The following TNNT3 variants were observed in gnomAD, a reference collection of about 807,000 sequenced individuals.
The protein encoded by TNNT3 is troponin T3, fast skeletal type.
TNNT3 carries 36 observed loss-of-function variants against 54.2 expected under a neutral mutation model. The observed-to-expected ratio is 0.66, with a 90% confidence interval of 0.51 to 0.88. The LOEUF is 0.88. Among genes scored for constraint, TNNT3 ranks in the 40% least tolerant of loss-of-function variants. TNNT3 has a pLI of 0.00. For synonymous variants in TNNT3, 120 were observed against 109.7 expected (o/e 1.09, Z -0.59); for missense variants, 291 against 331.6 (o/e 0.88, Z 0.95).
chr11:1,936,788 G>A (rs1220073486), intron 14 of TNNT3, among the ~76,000 whole-genome samples, 175 bp from the exon 15 acceptor site: 1 of 152,240 alleles, frequency 6.6e-6, no homozygotes, highest in Non-Finnish European at 1.5e-5. Flanking sequence ...CCACGGGACG[G>A]TGTCCCCCTG....
chr11:1,920,892 G>T (rs931273816), intron 1 of TNNT3, among the ~76,000 whole-genome samples: 1 of 152,144 alleles, frequency 6.6e-6, no homozygotes, highest in Non-Finnish European at 1.5e-5. Flanking sequence ...ATACTGGGGG[G>T]AACAGAACAG....
In TNNT3 at chr11:1,923,584, A is replaced by C; in HGVS notation, c.49+12A>C. 6.2e-7 allele frequency: 1 copy of C among 1,612,980 alleles called. No individual in the cohort carries two copies. The highest frequency in any genetic ancestry group is 2.2e-5 in the East Asian group (1 of 44,798). Reference sequence around the variant, plus strand: ...GTACGAAGAAGAAGGTAATTCTGGCAACCACCGGAAGCCCCCCCAGCCCCT... The same window carrying C: ...GTACGAAGAAGAAGGTAATTCTGGCCACCACCGGAAGCCCCCCCAGCCCCT... On this transcript the variant is annotated intron_variant, in intron 4 of 15. Coordinates refer to ENST00000278317, the MANE Select transcript of TNNT3 (RefSeq NM_006757.4).
At chr11:1,936,885 G>A (rs1173535925) in intron 14 of TNNT3, 78 bp from the exon 15 acceptor site, 7 of 1,485,210 alleles carry the variant, frequency 4.7e-6, no homozygotes, top group Non-Finnish European at 5.5e-6. Context: ...CCCACCCTGC[G>A]GTGGAGACAG....
In TNNT3 at chr11:1,934,453, C is replaced by T. The variant is rs370243709; in HGVS notation, c.480+8C>T. The T allele has an allele frequency of 6.2e-7, 1 of 1,612,564 alleles. No homozygotes were observed. Among genetic ancestry groups the T allele is most frequent in the Non-Finnish European group, 8.5e-7 (1 of 1,179,422 alleles). On this transcript the variant is annotated splice_region_variant and intron_variant, in intron 12 of 15. Coordinates refer to ENST00000278317, the MANE Select transcript of TNNT3 (RefSeq NM_006757.4). ...AGCAGCTACCTGGCCAAGGTGTGTG[C>T]CGCTGCTGGGAGCACGGTGGTAGCC...
At chr11:1,936,577 A>G (rs1401498817) in intron 14 of TNNT3, among the ~76,000 whole-genome samples, 2 of 152,198 alleles carry the variant, frequency 1.3e-5, no homozygotes, top group Non-Finnish European at 2.9e-5. Flanking sequence ...CTCTGAGCTC[A>G]GCGGCTGAAG....
intron 1 of TNNT3, among the ~76,000 whole-genome samples, chr11:1,921,031 G>C (rs1263860454): frequency 1.3e-5 from 2 of 152,128 alleles, no homozygotes; most frequent in African/African-American, 4.8e-5. Context: ...GGGCACCCAT[G>C]TGACTCTGGC....
At chr11:1,937,644 G>A (rs767580642) in intron 15 of TNNT3, among the ~76,000 whole-genome samples, 14 of 152,186 alleles carry the variant, frequency 9.2e-5, no homozygotes, top group Non-Finnish European at 1.5e-4. Context: ...CCCAAGGATC[G>A]CAGTGTTTGG....
intron 15 of TNNT3, 131 bp downstream of exon 15, chr11:1,937,134 G>A: frequency 3.1e-6 from 3 of 977,866 alleles, no homozygotes; most frequent in Non-Finnish European, 4.7e-6. Flanking sequence ...ACCCGGCCAG[G>A]CCACCCAGGC....
At chr11:1,928,601 C>T (rs952109689) in intron 6 of TNNT3, among the ~76,000 whole-genome samples, 4 of 152,134 alleles carry the variant, frequency 2.6e-5, no homozygotes, top group Non-Finnish European at 2.9e-5. Context: ...ATCACGTTGC[C>T]GGCAGAGGCT....
chr11:1,928,264 C>G (rs758444203), intron 6 of TNNT3, among the ~76,000 whole-genome samples: 2 of 152,174 alleles, frequency 1.3e-5, no homozygotes, highest in Non-Finnish European at 2.9e-5. Context: ...ACTAGGCCAG[C>G]GGCAGACCCC....
At chr11:1,924,381 G>C (rs1426704586) in intron 4 of TNNT3, among the ~76,000 whole-genome samples, 2 of 152,212 alleles carry the variant, frequency 1.3e-5, no homozygotes, top group Non-Finnish European at 2.9e-5. Flanking sequence ...CGACGGCGCT[G>C]CCCTGGAATC....
chr11:1,923,230 G>A (rs1394337907), intron 3 of TNNT3, among the ~76,000 whole-genome samples, 169 bp downstream of exon 3: 2 of 152,106 alleles, frequency 1.3e-5, no homozygotes, highest in Non-Finnish European at 2.9e-5. Context: ...CAAGTGGGGG[G>A]CCTCGTCTTT....
chr11:1,921,957 G>T (rs1455291307), intron 1 of TNNT3, among the ~76,000 whole-genome samples: 1 of 152,210 alleles, frequency 6.6e-6, no homozygotes, highest in Non-Finnish European at 1.5e-5. Flanking sequence ...CATGGACAGG[G>T]CAGCCAGTCC....
Position 1,926,723 on chromosome 11 carries a change from C to A in TNNT3, c.82+14C>A. The A allele has an allele frequency of 6.2e-7, 1 of 1,613,156 alleles. No individual in the cohort carries two copies. Among genetic ancestry groups the A allele is most frequent in the Non-Finnish European group, 8.5e-7 (1 of 1,179,990 alleles). On this transcript the variant is annotated intron_variant, in intron 6 of 15. Transcript: ENST00000278317. ...AAGTTCAAGAAGGTACGCCGGCGCT[C>A]CCCCGCCTCCAGGCCAGAGTCTCCG...
chr11:1,934,484 TG>T (rs748875498), intron 12 of TNNT3, 39 bp downstream of exon 12: 151 of 1,609,760 alleles, frequency 9.4e-5, no homozygotes, highest in Non-Finnish European at 1.2e-4. Flanking sequence ...TAGCCTTCAG[TG>T]TGGGCTACGC....
chr11:1,937,128 G>A (rs535077316), intron 15 of TNNT3, 125 bp downstream of exon 15: 60 of 1,062,032 alleles, frequency 5.6e-5, no homozygotes, highest in East Asian at 5.4e-4. Context: ...AGACTAACCC[G>A]GCCAGGCCAC....
chr11:1,930,994 T>C (rs2133396551), intron 8 of TNNT3, among the ~76,000 whole-genome samples: 1 of 152,328 alleles, frequency 6.6e-6, no homozygotes, highest in African/African-American at 2.4e-5. Context: ...CTTTTTTCCA[T>C]GCATAGCGCT....
Position 1,938,690 on chromosome 11 carries a change from C to A in TNNT3, c.*198C>A, listed in dbSNP as rs1376129166. The A allele has an allele frequency of 2.9e-6, 2 of 691,094 alleles. No homozygotes were observed. Among genetic ancestry groups the A allele is most frequent in the East Asian group, 5.8e-5 (2 of 34,334 alleles). The allele number at this position is 691,094 out of a possible 1,614,324, so 42.8% of individuals were successfully genotyped here. A position where few individuals can be genotyped will look rare whatever the true frequency, so the allele number is the denominator to read the frequency against. On this transcript the variant is annotated 3_prime_UTR_variant, in exon 16 of 16. Coordinates refer to ENST00000278317, the MANE Select transcript of TNNT3 (RefSeq NM_006757.4). ...CATCCCCTGGGGCCTGTGAATAAAG[C>A]TGCAGAACCCCCTTCACAGTCTGTA...
At chr11:1,935,528 C>G (rs566564836) in intron 14 of TNNT3, 76 of 173,934 alleles carry the variant, frequency 4.4e-4, no homozygotes, top group African/African-American at 1.8e-3. Flanking sequence ...CTGGGGAAGG[C>G]AGCCTGCCCG....
Sources: gnomAD v4.1 joint callset for allele counts (sites outside exome capture counted in the v4.1 genomes callset) on GRCh38, gnomAD v4.1.1 for gene constraint, MANE v1.5 for transcripts, NCBI Gene and HGNC (gene_info 2026-07-23, HGNC 2026-07-21) for gene names.